The following CNTNAP3B variants were observed in gnomAD, a reference collection of about 807,000 sequenced individuals.
CNTNAP3B encodes the protein contactin-associated protein-like 3B.
Under a neutral mutation model 108.9 loss-of-function variants are expected in CNTNAP3B, and 25 were observed. The observed-to-expected ratio is 0.23, with a 90% CI of 0.17 to 0.32. The LOEUF is 0.32. CNTNAP3B is among the 10% of genes least tolerant of loss of function. The pLI is 1.00. For synonymous variants in CNTNAP3B, 103 were observed against 473.4 expected (o/e 0.22, Z 10.16); for missense variants, 252 against 1,210.4 (o/e 0.21, Z 11.75).
At chr9:41,943,838 A>C (rs1355178423) in intron 13 of CNTNAP3B, among the ~76,000 whole-genome samples, 4 of 110,670 alleles carry the variant, frequency 3.6e-5, no homozygotes, top group Non-Finnish European at 6.7e-5. Flanking sequence ...GGTTAAATAC[A>C]AAAAAAACCA....
intron 15 of CNTNAP3B, among the ~76,000 whole-genome samples, chr9:41,928,565 C>G (rs926656673): frequency 2.6e-5 from 4 of 152,262 alleles, no homozygotes; most frequent in African/African-American, 4.8e-5. Context: ...CTGGCACACT[C>G]GGCAAGAATG....
intron 14 of CNTNAP3B, among the ~76,000 whole-genome samples, chr9:41,933,329 T>C (rs1052819234): frequency 6.6e-6 from 1 of 152,302 alleles, no homozygotes; most frequent in African/African-American, 2.4e-5. Flanking sequence ...ATGACAAAAA[T>C]GTCTTCAGAC....
chr9:42,056,261 C>T (rs1827065620), intron 3 of CNTNAP3B, among the ~76,000 whole-genome samples: 1 of 136,592 alleles, frequency 7.3e-6, no homozygotes, highest in Non-Finnish European at 1.6e-5. Context: ...CTGAGTAGTA[C>T]CTCACTGCTG....
At chr9:42,043,076 T>C (rs1238966509) in intron 3 of CNTNAP3B, among the ~76,000 whole-genome samples, 1 of 147,794 alleles carries the variant, frequency 6.8e-6, no homozygotes, top group African/African-American at 2.6e-5. Flanking sequence ...ATGGTCAGTA[T>C]TTCATTGTCA....
At position 42,091,030 on chromosome 9, in the gene CNTNAP3B, TAC is replaced by T. The variant is rs1285686673; in HGVS notation, c.196+13597_196+13598del. On this transcript the variant is annotated intron_variant, in intron 2 of 23. Transcript: ENST00000377561. ...TAGTATATATTTAGTACATAGTACATACACACACACAGATATATACATACATG... is the reference window on the plus strand; with the variant it reads ...TAGTATATATTTAGTACATAGTACATACACACACAGATATATACATACATG... Among the ~76,000 whole-genome samples, 37 of 51,292 alleles carry T rather than the reference TAC, an allele frequency of 7.2e-4. 7 individuals are homozygous for T. The East Asian group carries it at 0.014, about 19-fold the overall frequency. 33.6% of individuals were successfully genotyped at this position (51,292 alleles called of 152,430 possible). A position where few individuals can be genotyped will look rare whatever the true frequency, so the allele number is the denominator to read the frequency against.
At chr9:42,112,287 TA>T (rs1828207288) in intron 1 of CNTNAP3B, among the ~76,000 whole-genome samples, 1 of 139,510 alleles carries the variant, frequency 7.2e-6, no homozygotes, top group South Asian at 2.3e-4. Flanking sequence ...AAGGCCCCAG[TA>T]AGGCTTACTC....
In CNTNAP3B at chr9:42,124,099, A is replaced by T. The variant is rs71510100; in HGVS notation, c.85+4911T>A. ...TTAGCAATAATTTTAATTGCTGCCT[A>T]ATTAAGTAGGCATGCTACTTAAATC... On this transcript the variant is annotated intron_variant, in intron 1 of 23. Transcript: ENST00000377561. Among the ~76,000 whole-genome samples the T allele has an allele frequency of 1.4e-5, 2 of 138,872 alleles. 1 individual carries two copies. Among genetic ancestry groups the T allele is most frequent in the Non-Finnish European group, 3.1e-5 (2 of 64,928 alleles). The allele number at this position is 138,872 out of a possible 152,430, so 91.1% of individuals were successfully genotyped here.
chr9:41,953,024 G>C (rs1380029676), intron 13 of CNTNAP3B, among the ~76,000 whole-genome samples, 159 bp downstream of exon 13: 3 of 152,256 alleles, frequency 2.0e-5, no homozygotes, highest in Non-Finnish European at 4.4e-5. Flanking sequence ...AATGCTCTTT[G>C]GTCCAACCAA....
intron 23 of CNTNAP3B, among the ~76,000 whole-genome samples, chr9:41,894,359 C>T (rs1823383648): frequency 1.0e-5 from 1 of 97,750 alleles, no homozygotes; most frequent in Non-Finnish European, 2.0e-5. Flanking sequence ...AACTCCTGGG[C>T]TAAAGTGATC....
intron 12 of CNTNAP3B, 146 bp from the exon 13 acceptor site, chr9:41,953,532 A>G (rs1824763915): frequency 1.2e-6 from 1 of 835,656 alleles, no homozygotes; most frequent in African/African-American, 1.7e-5. Context: ...GGACCTGTGT[A>G]ACAATGTACT....
intron 1 of CNTNAP3B, among the ~76,000 whole-genome samples, chr9:42,122,311 C>T (rs1828479927): frequency 7.2e-6 from 1 of 138,846 alleles, no homozygotes; most frequent in Non-Finnish European, 1.5e-5. Context: ...TGTTAGTGGA[C>T]AAGAATGAAA....
chr9:41,996,040 AAAAT>A (rs1353166916), intron 7 of CNTNAP3B, among the ~76,000 whole-genome samples, 161 bp downstream of exon 7: 2 of 140,934 alleles, frequency 1.4e-5, no homozygotes, highest in African/African-American at 5.5e-5. Context: ...CTGTCTCAAA[AAAAT>A]AAATAAATAA....
At chr9:42,028,745 T>A (rs1384199887) in intron 3 of CNTNAP3B, among the ~76,000 whole-genome samples, 1 of 150,142 alleles carries the variant, frequency 6.7e-6, no homozygotes, top group African/African-American at 2.5e-5. Flanking sequence ...ATCACAGAAG[T>A]TTGGCATTTT....
intron 3 of CNTNAP3B, among the ~76,000 whole-genome samples, chr9:42,030,931 T>A (rs71258127): frequency 0.14 from 15,061 of 105,330 alleles, 1,390 homozygotes; most frequent in East Asian, 0.45. Context: ...CCCAAGGATC[T>A]CTCAGAAGAC....
chr9:41,951,715 G>C lies in CNTNAP3B; in HGVS notation c.2080+1468C>G, dbSNP rs547119287. Among the ~76,000 whole-genome samples, 6 of 151,874 alleles carry C rather than the reference G, an allele frequency of 4.0e-5. No individual in the cohort carries two copies. The South Asian group carries it at 1.2e-3, about 32-fold the overall frequency. ...CAAATTGGCTGGCAGGCATCCAGGG[G>C]AGAGAGGGATCACCCTGGGAAGGGA... On this transcript the variant is annotated intron_variant, in intron 13 of 23. Coordinates refer to ENST00000377561, the MANE Select transcript of CNTNAP3B (RefSeq NM_001201380.3).
chr9:42,097,844 C>T (rs1221170375), intron 2 of CNTNAP3B, among the ~76,000 whole-genome samples: 1 of 137,566 alleles, frequency 7.3e-6, no homozygotes, highest in Admixed American at 7.2e-5. Context: ...AGAACATTAA[C>T]TGAGGACTTT....
chr9:41,953,191 T>C lies in CNTNAP3B; in HGVS notation c.2072A>G (p.Asp691Gly). Residue 691 changes from aspartate to glycine, a missense_variant, in exon 13 of 24, where the codon GAC (aspartate) becomes GGC (glycine). Physicochemically the swap from Asp to Gly is moderately conservative, Grantham distance 94 (BLOSUM62 -1). Transcript: ENST00000377561. ...CCAGCAGTGGCGCTTACCTCGTGAG[T>C]CCGGGCGCCGCGCTGTCCCGCAGCG... ...ALRCGTARRP[D>G]SRDGTPLSWW... is the part of the protein sequence containing the mutation. 6.6e-7 allele frequency: 1 copy of C among 1,522,352 alleles called. No individual in the cohort carries two copies. The highest frequency in any genetic ancestry group is 8.7e-7 in the Non-Finnish European group (1 of 1,144,474). The allele number at this position is 1,522,352 out of a possible 1,614,324, so 94.3% of individuals were successfully genotyped here. A position where few individuals can be genotyped will look rare whatever the true frequency, so the allele number is the denominator to read the frequency against.
intron 1 of CNTNAP3B, among the ~76,000 whole-genome samples, chr9:42,115,041 A>G (rs1828282013): frequency 7.3e-6 from 1 of 136,572 alleles, no homozygotes; most frequent in Non-Finnish European, 1.6e-5. Context: ...GTGACAGAGC[A>G]AGACTCCATA....
chr9:42,097,097 C>T lies in CNTNAP3B; in HGVS notation c.196+7532G>A, dbSNP rs544278124. On this transcript the variant is annotated intron_variant, in intron 2 of 23. Transcript: ENST00000377561. ...TTAGGTGTGCCACCTTCAATGATGG[C>T]TGTGTGGATCCAATATCTGCTTCTC... Among the ~76,000 whole-genome samples, 79 of 139,916 alleles carry T rather than the reference C, an allele frequency of 5.6e-4. 11 individuals are homozygous for T. The highest frequency in any genetic ancestry group is 2.2e-3 in the African/African-American group (79 of 35,356). The allele number at this position is 139,916 out of a possible 152,430, so 91.8% of individuals were successfully genotyped here.
Sources: gnomAD v4.1 joint callset for allele counts (sites outside exome capture counted in the v4.1 genomes callset) on GRCh38, gnomAD v4.1.1 for gene constraint, MANE v1.5 for transcripts, NCBI Gene and HGNC (gene_info 2026-07-23, HGNC 2026-07-21) for gene names.